DENND1A: variants seen among roughly 807,000 people sequenced by gnomAD.
DENND1A encodes DENN domain-containing protein 1A.
In DENND1A, 51 loss-of-function variants were observed where a neutral mutation model predicts 113.7. The observed-to-expected ratio is 0.45, with a 90% CI of 0.36 to 0.57. The LOEUF is 0.57. Among genes scored for constraint, DENND1A ranks in the 20% least tolerant of loss-of-function variants. The pLI is 0.00. For synonymous variants in DENND1A, 565 were observed against 570.8 expected (o/e 0.99, Z 0.14); for missense variants, 1,258 against 1,395.9 (o/e 0.90, Z 1.57).
chr9:123,696,994 C>T (rs1243714253), intron 5 of DENND1A, among the ~76,000 whole-genome samples: 1 of 152,156 alleles, frequency 6.6e-6, no homozygotes, highest in East Asian at 1.9e-4. Flanking sequence ...AAAATACCTG[C>T]CACTGTGCCG....
intron 23 of DENND1A, among the ~76,000 whole-genome samples, chr9:123,383,263 C>A (rs755596053): frequency 6.6e-6 from 1 of 152,206 alleles, no homozygotes; most frequent in African/African-American, 2.4e-5. Flanking sequence ...CACTGATTTG[C>A]ATTCATAATG....
Position 123,382,098 on chromosome 9 carries a change from C to A in DENND1A, c.2547G>T (p.Pro849=). Reference sequence around the variant, plus strand: ...TGCTGCCTGACCAGGCTGTGCTGAGCGGGTCCAGGAGGGCGAGCAGGGCGT... The same window carrying A: ...TGCTGCCTGACCAGGCTGTGCTGAGAGGGTCCAGGAGGGCGAGCAGGGCGT... ...SSDALLALLD[P]LSTAWSGSTL... The change falls in exon 24 of 24, where the codon CCG becomes CCT. Residue 849 remains proline, a synonymous_variant. Transcript: ENST00000394215. 6.5e-7 allele frequency: 1 copy of A among 1,549,718 alleles called. No individual in the cohort carries two copies. The highest frequency in any genetic ancestry group is 1.2e-5 in the South Asian group (1 of 80,606).
At chr9:123,454,865 T>G in intron 15 of DENND1A, 86 bp from the exon 16 acceptor site, 7 of 1,139,222 alleles carry the variant, frequency 6.1e-6, no homozygotes, top group Non-Finnish European at 8.9e-6. Flanking sequence ...TTTTTTTTTT[T>G]GAGATGGAGT....
chr9:123,647,172 T>C (rs1341884845), intron 9 of DENND1A, among the ~76,000 whole-genome samples: 8 of 152,146 alleles, frequency 5.3e-5, no homozygotes. Context: ...CTCTAAAAAA[T>C]TTTGAATTAT....
chr9:123,678,248 T>C (rs965161535), intron 5 of DENND1A, among the ~76,000 whole-genome samples: 1 of 152,200 alleles, frequency 6.6e-6, no homozygotes, highest in African/African-American at 2.4e-5. Flanking sequence ...GAATGGCACC[T>C]GGCACACCGT....
chr9:123,383,581 G>A (rs2042397194), intron 23 of DENND1A, 74 bp downstream of exon 23: 7 of 1,551,612 alleles, frequency 4.5e-6, no homozygotes, highest in Non-Finnish European at 6.1e-6. Flanking sequence ...CTCTTCCACT[G>A]TCACATGGGG....
intron 5 of DENND1A, among the ~76,000 whole-genome samples, chr9:123,686,850 GA>G (rs935979117): frequency 4.6e-5 from 7 of 152,022 alleles, no homozygotes; most frequent in African/African-American, 1.7e-4. Flanking sequence ...GACAATTAAG[GA>G]AATGCTAGAT....
At chr9:123,701,923 C>G (rs955839595) in intron 5 of DENND1A, among the ~76,000 whole-genome samples, 1 of 152,180 alleles carries the variant, frequency 6.6e-6, no homozygotes, top group Non-Finnish European at 1.5e-5. Flanking sequence ...CTACAAGGAT[C>G]AGGGAAACAC....
At position 123,858,869 on chromosome 9, in the gene DENND1A, G is replaced by A. The variant is rs529756991; in HGVS notation, c.88+20082C>T. ...AAGATTAAAAATACACATGTAAACC[G>A]AGGGTGTAAGGACAAAGGGAAAATA... On this transcript the variant is annotated intron_variant, in intron 2 of 23. Transcript: ENST00000394215. Among the ~76,000 whole-genome samples the A allele has an allele frequency of 5.9e-5, 9 of 152,246 alleles. No individual in the cohort carries two copies. The South Asian group carries it at 1.2e-3, about 21-fold the overall frequency.
At chr9:123,622,309 G>A (rs2061002163) in intron 10 of DENND1A, among the ~76,000 whole-genome samples, 1 of 152,146 alleles carries the variant, frequency 6.6e-6, no homozygotes, top group South Asian at 2.1e-4. Context: ...TACAATTCAA[G>A]TTGAGAATTG....
Position 123,591,791 on chromosome 9 carries a change from A to T in DENND1A, c.766-8521T>A, listed in dbSNP as rs151006540. 3.5e-3 allele frequency among the ~76,000 whole-genome samples: 532 copies of T among 152,366 alleles called. 1 individual carries two copies. Among genetic ancestry groups the T allele is most frequent in the African/African-American group, 0.012 (509 of 41,588 alleles). ...CGAATGGACAATGTCAGCTCAACGA[A>T]AGCAAATCGGAGTTTGCTCAAGGAA... On this transcript the variant is annotated intron_variant, in intron 11 of 23. Transcript: ENST00000394215.
At chr9:123,631,540 A>T (rs1429073058) in intron 9 of DENND1A, among the ~76,000 whole-genome samples, 2 of 152,218 alleles carry the variant, frequency 1.3e-5, no homozygotes, top group Non-Finnish European at 2.9e-5. Flanking sequence ...ACGTAGACAA[A>T]TATTTTCTTC....
At chr9:123,927,236 G>T (rs962641980) in intron 1 of DENND1A, among the ~76,000 whole-genome samples, 2 of 152,142 alleles carry the variant, frequency 1.3e-5, no homozygotes, top group African/African-American at 2.4e-5. Flanking sequence ...AGCAACTCAC[G>T]TGCTTTACCA....
At chr9:123,722,032 C>T (rs1319159822) in intron 5 of DENND1A, among the ~76,000 whole-genome samples, 1 of 152,154 alleles carries the variant, frequency 6.6e-6, no homozygotes, top group East Asian at 1.9e-4. Flanking sequence ...TTCCTAGAGA[C>T]TTGTTGAATG....
chr9:123,640,686 C>T (rs1254767641), intron 9 of DENND1A, among the ~76,000 whole-genome samples: 3 of 152,212 alleles, frequency 2.0e-5, no homozygotes, highest in East Asian at 1.9e-4. Flanking sequence ...GTGAATAGTG[C>T]GCCCAGTGCT....
chr9:123,848,553 T>C (rs1384999967), intron 2 of DENND1A, among the ~76,000 whole-genome samples: 2 of 152,144 alleles, frequency 1.3e-5, no homozygotes, highest in Admixed American at 6.5e-5. Context: ...TGAGACACAA[T>C]AATATTGACA....
chr9:123,452,215 G>C (rs2047771623), intron 17 of DENND1A, 61 bp downstream of exon 17: 1 of 1,442,426 alleles, frequency 6.9e-7, no homozygotes, highest in African/African-American at 1.4e-5. Flanking sequence ...AATAAATAAA[G>C]AGTCTCATCA....
At chr9:123,450,508 T>C (rs963364918) in intron 18 of DENND1A, among the ~76,000 whole-genome samples, 185 bp downstream of exon 18, 1 of 152,218 alleles carries the variant, frequency 6.6e-6, no homozygotes, top group Non-Finnish European at 1.5e-5. Flanking sequence ...TTAATGTTAT[T>C]TGAAGACAGT....
chr9:123,614,534 A>C (rs2060558001), intron 10 of DENND1A, among the ~76,000 whole-genome samples: 1 of 152,022 alleles, frequency 6.6e-6, no homozygotes, highest in African/African-American at 2.4e-5. Flanking sequence ...TGTTCCCCTG[A>C]GGTGAGCAGC....
Sources: gnomAD v4.1 joint callset for allele counts (sites outside exome capture counted in the v4.1 genomes callset) on GRCh38, gnomAD v4.1.1 for gene constraint, MANE v1.5 for transcripts, NCBI Gene and HGNC (gene_info 2026-07-23, HGNC 2026-07-21) for gene names.